The following IQSEC1 variants were observed in gnomAD, a reference collection of about 807,000 sequenced individuals.
The protein encoded by IQSEC1 is IQ motif and Sec7 domain ArfGEF 1.
In IQSEC1, 31 loss-of-function variants were observed where a neutral mutation model predicts 91.0. The observed-to-expected ratio is 0.34, with a 90% CI of 0.26 to 0.46. IQSEC1 has a LOEUF of 0.46. IQSEC1 is among the 20% of genes least tolerant of loss of function. IQSEC1 has a pLI of 1.00. For missense variants in IQSEC1, 1,388 were observed against 1,575.6 expected (o/e 0.88, Z 2.02); for synonymous variants, 699 against 662.6 (o/e 1.05, Z -0.84).
Position 13,168,770 on chromosome 3 carries a change from C to T in IQSEC1, c.273-4637G>A, listed in dbSNP as rs201236320. Among the ~76,000 whole-genome samples the T allele has an allele frequency of 9.2e-5, 14 of 152,194 alleles. 1 individual carries two copies. In the East Asian group the frequency reaches 1.5e-3, roughly 17 times the overall value. On this transcript the variant is annotated intron_variant, in intron 1 of 15. Coordinates refer to the IQSEC1 transcript ENST00000648114. ...CTTTTGATTTCAGTGGCTCCATCTT[C>T]TAATTCAGATTTTACTTTAAATACC...
chr3:13,204,479 T>C (rs1283010250), intron 1 of IQSEC1, among the ~76,000 whole-genome samples: 1 of 152,218 alleles, frequency 6.6e-6, no homozygotes, highest in Non-Finnish European at 1.5e-5. Flanking sequence ...GCTCTTAACC[T>C]TGGCTCCCAG....
At position 13,182,381 on chromosome 3, in the gene IQSEC1, C is replaced by T. The variant is rs58537602; in HGVS notation, c.273-18248G>A. Among the ~76,000 whole-genome samples, 1,115 of 152,314 alleles carry T rather than the reference C, an allele frequency of 7.3e-3. 17 individuals carry two copies. Among genetic ancestry groups the T allele is most frequent in the African/African-American group, 0.025 (1,044 of 41,560 alleles). On this transcript the variant is annotated intron_variant, in intron 1 of 15. Transcript: ENST00000648114. ...GCCCCATACTCACGAGCCACAATGA[C>T]TTGTCCAAGGATAATAATAATATTC...
intron 1 of IQSEC1, among the ~76,000 whole-genome samples, chr3:12,952,279 T>C (rs1029824059): frequency 1.1e-4 from 16 of 152,268 alleles, no homozygotes; most frequent in African/African-American, 3.9e-4. Context: ...CTGAGCTTCC[T>C]ACACCAGGCC....
intron 6 of IQSEC1, among the ~76,000 whole-genome samples, chr3:12,917,934 G>A (rs975909650): frequency 1.3e-5 from 2 of 152,228 alleles, no homozygotes; most frequent in Non-Finnish European, 2.9e-5. Context: ...GGGCTCTCCC[G>A]CTGCGGGACC....
intron 2 of IQSEC1, among the ~76,000 whole-genome samples, chr3:13,118,890 T>G (rs1216313479): frequency 6.6e-6 from 1 of 152,092 alleles, no homozygotes; most frequent in African/African-American, 2.4e-5. Context: ...CTGGACAACA[T>G]GGTGAAACCC....
At chr3:13,188,287 G>T (rs1231635533) in intron 1 of IQSEC1, among the ~76,000 whole-genome samples, 15 of 152,054 alleles carry the variant, frequency 9.9e-5, no homozygotes, top group Non-Finnish European at 1.8e-4. Context: ...CCACCTCAAG[G>T]TTCACATGGA....
intron 12 of IQSEC1, among the ~76,000 whole-genome samples, chr3:12,907,465 C>T (rs1695104541): frequency 6.6e-6 from 1 of 152,214 alleles, no homozygotes; most frequent in Non-Finnish European, 1.5e-5. Context: ...CAGGCAGTCC[C>T]CGGGGCCCCT....
At chr3:13,188,399 AAG>A (rs1249091884) in intron 1 of IQSEC1, among the ~76,000 whole-genome samples, 1 of 152,242 alleles carries the variant, frequency 6.6e-6, no homozygotes, top group Non-Finnish European at 1.5e-5. Context: ...GGATCACGGT[AAG>A]AGTCATAGTC....
chr3:13,102,472 G>A (rs1254737816), intron 2 of IQSEC1, among the ~76,000 whole-genome samples: 1 of 152,018 alleles, frequency 6.6e-6, no homozygotes, highest in Admixed American at 6.5e-5. Context: ...TGGGCCCATG[G>A]TTTCCTTCTC....
At chr3:13,203,527 G>T (rs1343564343) in intron 1 of IQSEC1, among the ~76,000 whole-genome samples, 1 of 152,174 alleles carries the variant, frequency 6.6e-6, no homozygotes, top group Non-Finnish European at 1.5e-5. Context: ...CAGGCCCGTG[G>T]CAGGAACAGG....
Position 12,965,523 on chromosome 3 carries a change from G to A in IQSEC1, c.24-23658C>T, listed in dbSNP as rs78647210. 3.3e-5 allele frequency among the ~76,000 whole-genome samples: 5 copies of A among 152,328 alleles called. No individual in the cohort carries two copies. In the East Asian group the frequency reaches 9.6e-4, roughly 29 times the overall value. ...AGAGCAAATGGGATCCACCTGCTCTGAGGCTGATGCGTGAACTATGGGCTA... is the reference window on the plus strand; with the variant it reads ...AGAGCAAATGGGATCCACCTGCTCTAAGGCTGATGCGTGAACTATGGGCTA... On this transcript the variant is annotated intron_variant, in intron 1 of 13. Transcript: ENST00000613206.
chr3:13,073,957 T>C (rs772380551), upstream of IQSEC1, among the ~76,000 whole-genome samples: 2 of 152,256 alleles, frequency 1.3e-5, no homozygotes, highest in Non-Finnish European at 2.9e-5. Flanking sequence ...GTGCCAGTCC[T>C]GTCCCAAAGG....
chr3:13,103,014 T>G lies in IQSEC1; in HGVS notation c.303-55492A>C, dbSNP rs937310411. On this transcript the variant is annotated intron_variant, in intron 2 of 15. Coordinates refer to the IQSEC1 transcript ENST00000648114. This position sits in a 1 kb window ranked among gnomAD's most constrained non-coding sequence, Gnocchi z 4.1. ...AGAGGGGCTCAGATCAGGTGCTTGG[T>G]GCCCCCCTACCTCAACCTGTGGGCT... is the stretch of plus-strand genomic sequence containing the variant. Among the ~76,000 whole-genome samples the G allele has an allele frequency of 5.9e-5, 9 of 152,162 alleles. No homozygotes were observed. The highest frequency in any genetic ancestry group is 1.4e-4 in the African/African-American group (6 of 41,440).
Position 12,941,620 on chromosome 3 carries a change from C to A in IQSEC1, c.269G>T (p.Arg90Leu). The A allele has an allele frequency of 6.2e-7, 1 of 1,609,978 alleles. No homozygotes were observed. ...GAGCTCATAGCTCTCGGAGAGTGAG[C>A]GTGAGCGCTTGATGGCCTCCTCCTC... ...QAEEEAIKRSRSLSESYELSS... is the reference protein window; with the variant it reads ...QAEEEAIKRSLSLSESYELSS... Residue 90 changes from arginine to leucine, a missense_variant, in exon 2 of 14, where the codon CGC (arginine) becomes CTC (leucine). This residue lies in a region of IQSEC1 where 1,059 missense variants were observed against 1,317.8 expected (regional missense o/e 0.80). Transcript: ENST00000613206.
chr3:12,916,838 C>T (rs1219143763), intron 6 of IQSEC1, among the ~76,000 whole-genome samples: 1 of 152,208 alleles, frequency 6.6e-6, no homozygotes, highest in East Asian at 1.9e-4. Flanking sequence ...GTGAAGAAGG[C>T]CACAGTAAAG....
At chr3:12,926,328 A>G (rs1397448424) in intron 3 of IQSEC1, among the ~76,000 whole-genome samples, 2 of 151,750 alleles carry the variant, frequency 1.3e-5, no homozygotes, top group African/African-American at 4.8e-5. Context: ...AAAAAACAAA[A>G]AAGGAGACAG....
chr3:13,120,929 G>A (rs1434483781), intron 2 of IQSEC1, among the ~76,000 whole-genome samples: 3 of 152,142 alleles, frequency 2.0e-5, no homozygotes, highest in Non-Finnish European at 2.9e-5. Flanking sequence ...ATATGGCCTC[G>A]GGGAATCCCA....
At chr3:13,083,182 T>C (rs1705676018) in intron 2 of IQSEC1, among the ~76,000 whole-genome samples, 1 of 152,240 alleles carries the variant, frequency 6.6e-6, no homozygotes, top group South Asian at 2.1e-4. Context: ...GCCCGTGGAC[T>C]GAACAAGTTG....
intron 2 of IQSEC1, among the ~76,000 whole-genome samples, chr3:13,141,980 G>A (rs2121908): frequency 0.26 from 40,233 of 152,102 alleles, 5,536 homozygotes; most frequent in South Asian, 0.45. Context: ...CAACCACACA[G>A]GAACTTATAG....
Sources: gnomAD v4.1 joint callset for allele counts (sites outside exome capture counted in the v4.1 genomes callset) on GRCh38, gnomAD v4.1.1 for gene constraint, gnomAD v4.1.1 regional missense constraint, Gnocchi (gnomAD v3.1) non-coding constraint, MANE v1.5 for transcripts, NCBI Gene and HGNC (gene_info 2026-07-23, HGNC 2026-07-21) for gene names.